The following NOTCH2 variants were observed in gnomAD, a reference collection of about 807,000 sequenced individuals.
The protein encoded by NOTCH2 is neurogenic locus notch homolog protein 2.
Under a neutral mutation model 235.8 loss-of-function variants are expected in NOTCH2, and 29 were observed. That is an observed-to-expected ratio of 0.12 (90% CI 0.09 to 0.17). The LOEUF (loss-of-function observed/expected upper bound fraction) is 0.17, where lower values mean the gene tolerates loss of function less well. Among genes scored for constraint, NOTCH2 ranks in the 10% least tolerant of loss-of-function variants. The probability of loss-of-function intolerance (pLI) is 1.00; values close to 1 mark genes in which losing one functional copy is unlikely to be tolerated. For synonymous variants in NOTCH2, 1,086 were observed against 1,141.5 expected (o/e 0.95, Z 0.98); for missense variants, 2,285 against 3,150.2 (o/e 0.73, Z 6.57).
chr1:119,960,785 C>CA (rs1557822974), intron 11 of NOTCH2, among the ~76,000 whole-genome samples: 1 of 152,006 alleles, frequency 6.6e-6, no homozygotes, highest in African/African-American at 2.4e-5. Context: ...GCTATCCCCC[C>CA]ACCTCAGCCT....
At chr1:119,951,177 G>T (rs1208442363) in intron 14 of NOTCH2, among the ~76,000 whole-genome samples, 1 of 152,132 alleles carries the variant, frequency 6.6e-6, no homozygotes, top group Non-Finnish European at 1.5e-5. Context: ...GAGACAGGGG[G>T]TCTCACTCTT....
At chr1:120,067,166 C>G (rs1176765432) in intron 1 of NOTCH2, among the ~76,000 whole-genome samples, 3 of 151,968 alleles carry the variant, frequency 2.0e-5, no homozygotes, top group Non-Finnish European at 4.4e-5. Flanking sequence ...CTTAGCAAAA[C>G]ACAATAATAA....
intron 31 of NOTCH2, among the ~76,000 whole-genome samples, chr1:119,919,036 C>A (rs587693926): frequency 9.2e-5 from 14 of 152,300 alleles, no homozygotes; most frequent in African/African-American, 3.4e-4. Context: ...CTAATCTACG[C>A]ATTTGGGAGG....
intron 14 of NOTCH2, among the ~76,000 whole-genome samples, chr1:119,952,507 C>T (rs1285848073): frequency 6.6e-6 from 1 of 152,198 alleles, no homozygotes; most frequent in Non-Finnish European, 1.5e-5. Context: ...GACAGATCAT[C>T]AGGCACTAGA....
At chr1:120,009,475 G>C (rs1261425986) in intron 2 of NOTCH2, among the ~76,000 whole-genome samples, 1 of 151,202 alleles carries the variant, frequency 6.6e-6, no homozygotes, top group Non-Finnish European at 1.5e-5. Flanking sequence ...ACTTTCATGA[G>C]GTCCCATTTC....
At chr1:119,976,600 T>C (rs1288628178) in intron 5 of NOTCH2, among the ~76,000 whole-genome samples, 2 of 152,028 alleles carry the variant, frequency 1.3e-5, no homozygotes, top group Non-Finnish European at 2.9e-5. Context: ...GACCAATGTA[T>C]TTTCTAAAGA....
chr1:119,922,716 T>G lies in NOTCH2; in HGVS notation c.4922A>C (p.Lys1641Thr), dbSNP rs148354054. ...QCVQDSDHCF[K>T]NTDAAAALLA... Reference sequence around the variant, plus strand: ...GAGAGCTGCTGCTGCATCCGTGTTCTTGAAGCAGTGGTCTGAGTCTTGAAC... The same window carrying G: ...GAGAGCTGCTGCTGCATCCGTGTTCGTGAAGCAGTGGTCTGAGTCTTGAAC... The change falls in exon 27 of 34, where the codon AAG becomes ACG. Residue 1641 changes from lysine (K) to threonine (T), a missense_variant. By Grantham distance (78) the Lys-to-Thr change is moderately conservative. This residue lies in a region of NOTCH2 where 1,173 missense variants were observed against 1,515.3 expected (regional missense o/e 0.77). Transcript: ENST00000256646. 226 of 1,614,112 alleles carry G rather than the reference T, an allele frequency of 1.4e-4. No homozygotes were observed. Among genetic ancestry groups the G allele is most frequent in the Non-Finnish European group, 1.8e-4 (210 of 1,180,048 alleles).
rs200436781 is a variant in NOTCH2 at position 120,041,137 on chromosome 1, T to C, written c.74-11150A>G. On this transcript the variant is annotated intron_variant, in intron 1 of 33. Transcript: ENST00000256646. Reference sequence around the variant, plus strand: ...TTATTTTATTCTCCCTTGCTTTGTTTCTTCAGACATACAGCTATGTCCCAC... The same window carrying C: ...TTATTTTATTCTCCCTTGCTTTGTTCCTTCAGACATACAGCTATGTCCCAC... Among the ~76,000 whole-genome samples the C allele has an allele frequency of 2.4e-5, 3 of 127,418 alleles. No individual in the cohort carries two copies. In the East Asian group the frequency reaches 6.0e-4, roughly 25 times the overall value. The allele number at this position is 127,418 out of a possible 152,430, so 83.6% of individuals were successfully genotyped here.
chr1:119,935,214 T>C (rs1055988216), intron 22 of NOTCH2: 58 of 1,367,218 alleles, frequency 4.2e-5, no homozygotes, highest in Middle Eastern at 2.8e-4. Context: ...GCTAATGTTG[T>C]ATCCCTTCCA....
At chr1:119,953,769 G>A (rs904298005) in intron 13 of NOTCH2, 81 bp from the exon 14 acceptor site, 1 of 1,215,674 alleles carries the variant, frequency 8.2e-7, no homozygotes, top group African/African-American at 1.5e-5. Context: ...ACTTGGTGAA[G>A]AAATGGGGTA....
At chr1:119,970,492 AAAGAAAG>A in intron 5 of NOTCH2, among the ~76,000 whole-genome samples, 1 of 152,282 alleles carries the variant, frequency 6.6e-6, no homozygotes, top group Middle Eastern at 3.4e-3. Flanking sequence ...GGAAGAAGAC[AAAGAAAG>A]TCCACCCAAT....
chr1:119,975,286 A>G (rs1418094735), intron 5 of NOTCH2, among the ~76,000 whole-genome samples: 3 of 152,184 alleles, frequency 2.0e-5, no homozygotes, highest in Non-Finnish European at 4.4e-5. Flanking sequence ...TTGCAGGAGT[A>G]GGGTCACCTC....
Position 119,950,851 on chromosome 1 carries a change from G to GA in NOTCH2, c.2366-15dup, listed in dbSNP as rs1343235923. Reference sequence around the variant, plus strand: ...GGCAGTTATAGCCTGTAGACAAAAGGAAAAAACCAAAAACAGTAAAACTTT... The same window carrying GA: ...GGCAGTTATAGCCTGTAGACAAAAGGAAAAAAACCAAAAACAGTAAAACTTT... On this transcript the variant is annotated splice_polypyrimidine_tract_variant and intron_variant, in intron 14 of 33. Coordinates refer to ENST00000256646, the MANE Select transcript of NOTCH2 (RefSeq NM_024408.4). 14 of 1,551,108 alleles carry GA rather than the reference G, an allele frequency of 9.0e-6. No individual in the cohort carries two copies. Among genetic ancestry groups the GA allele is most frequent in the South Asian group, 2.2e-5 (2 of 89,800 alleles).
intron 22 of NOTCH2, chr1:119,935,162 C>T: frequency 8.1e-7 from 1 of 1,230,072 alleles, no homozygotes; most frequent in African/African-American, 1.5e-5. Flanking sequence ...TTCTGTGAAG[C>T]AACAAGAAAT....
At chr1:120,037,505 C>T (rs1654354644) in intron 1 of NOTCH2, among the ~76,000 whole-genome samples, 1 of 151,472 alleles carries the variant, frequency 6.6e-6, no homozygotes, top group African/African-American at 2.4e-5. Flanking sequence ...CAATTTCAAA[C>T]AAAACTTTCT....
intron 11 of NOTCH2, among the ~76,000 whole-genome samples, chr1:119,961,488 A>C (rs1650935610): frequency 6.6e-6 from 1 of 152,168 alleles, no homozygotes; most frequent in Non-Finnish European, 1.5e-5. Flanking sequence ...ACAACACTGA[A>C]ACACAGACTG....
chr1:120,060,505 T>TA (rs1553216034), intron 1 of NOTCH2, among the ~76,000 whole-genome samples: 2 of 150,584 alleles, frequency 1.3e-5, no homozygotes, highest in South Asian at 2.1e-4. Flanking sequence ...AATCTAAGGG[T>TA]AAAAAAACCA....
At chr1:119,941,106 T>G (rs1208756539) in intron 18 of NOTCH2, among the ~76,000 whole-genome samples, 1 of 152,226 alleles carries the variant, frequency 6.6e-6, no homozygotes, top group African/African-American at 2.4e-5. Flanking sequence ...CACTATAGAT[T>G]ATTTATAAAA....
rs3897840 is a variant in NOTCH2, at chr1:119,918,011, A to G, written c.5930-249T>C. ...TGTATGAGGCATTCATGTCCCCTAC[A>G]TGGCAGAATCTACCCTGTTACATAC... is the stretch of plus-strand genomic sequence containing the variant. On this transcript the variant is annotated intron_variant, in intron 32 of 33. Transcript: ENST00000256646. Among the ~76,000 whole-genome samples the G allele has an allele frequency of 0.081, 12,383 of 152,216 alleles. 1,656 individuals are homozygous for G. The highest frequency in any genetic ancestry group is 0.28 in the African/African-American group (11,594 of 41,464).
Sources: gnomAD v4.1 joint callset for allele counts (sites outside exome capture counted in the v4.1 genomes callset) on GRCh38, gnomAD v4.1.1 for gene constraint, gnomAD v4.1.1 regional missense constraint, MANE v1.5 for transcripts, NCBI Gene and HGNC (gene_info 2026-07-23, HGNC 2026-07-21) for gene names.